ANKH: variants seen among roughly 807,000 people sequenced by gnomAD.
ANKH encodes the protein mineralization regulator ANKH.
ANKH carries 15 observed loss-of-function variants against 49.0 expected under a neutral mutation model. That is an observed-to-expected ratio of 0.31 (90% CI 0.20 to 0.47). The LOEUF (loss-of-function observed/expected upper bound fraction) is 0.47. Ranked by LOEUF, ANKH falls within the 20% of genes least tolerant of loss-of-function variation. ANKH has a pLI of 1.00. For missense variants in ANKH, 429 were observed against 652.0 expected, an observed-to-expected ratio of 0.66 and a Z score of 3.72; for synonymous variants, 273 against 260.0, an observed-to-expected ratio of 1.05 and a Z score of -0.48.
At chr5:14,726,969 C>T (rs1737842122) in intron 8 of ANKH, among the ~76,000 whole-genome samples, 1 of 152,196 alleles carries the variant, frequency 6.6e-6, no homozygotes, top group African/African-American at 2.4e-5. Flanking sequence ...GGGATGCTTC[C>T]ACATCCGCGT....
intron 1 of ANKH, among the ~76,000 whole-genome samples, chr5:14,810,486 TA>T (rs753748765): frequency 6.8e-4 from 103 of 152,332 alleles, no homozygotes; most frequent in Admixed American, 1.8e-3. Flanking sequence ...TAAAGTAGAA[TA>T]ACAGTGAGCA....
At chr5:14,788,848 T>C (rs1401948790) in intron 1 of ANKH, among the ~76,000 whole-genome samples, 1 of 152,120 alleles carries the variant, frequency 6.6e-6, no homozygotes, top group Admixed American at 6.5e-5. Flanking sequence ...TGTGGAATGC[T>C]CCCTGAGCAG....
chr5:14,778,905 C>T (rs1329598856), intron 1 of ANKH, among the ~76,000 whole-genome samples: 1 of 152,150 alleles, frequency 6.6e-6, no homozygotes, highest in Non-Finnish European at 1.5e-5. Flanking sequence ...TCTCCAACGC[C>T]CCCTGCATGC....
chr5:14,790,981 C>T (rs1230349332), intron 1 of ANKH, among the ~76,000 whole-genome samples: 1 of 152,154 alleles, frequency 6.6e-6, no homozygotes, highest in East Asian at 1.9e-4. Context: ...CATGAGTTCT[C>T]TCACTTCATT....
At chr5:14,739,734 A>G (rs906832013) in intron 8 of ANKH, among the ~76,000 whole-genome samples, 3 of 152,246 alleles carry the variant, frequency 2.0e-5, no homozygotes, top group Non-Finnish European at 2.9e-5. Flanking sequence ...CGGTTCTATT[A>G]CTGGATACTT....
chr5:14,814,974 T>C (rs957768110), intron 1 of ANKH, among the ~76,000 whole-genome samples: 1 of 152,212 alleles, frequency 6.6e-6, no homozygotes, highest in South Asian at 2.1e-4. Context: ...AGTTGGAATG[T>C]TTAACAGAGC....
At chr5:14,867,559 C>CTT (rs564551663) in intron 1 of ANKH, among the ~76,000 whole-genome samples, 4 of 147,810 alleles carry the variant, frequency 2.7e-5, no homozygotes, top group Non-Finnish European at 3.0e-5. Flanking sequence ...TTCCCATTTT[C>CTT]TTTTTTTTTT....
At chr5:14,786,454 T>A (rs1328840018) in intron 1 of ANKH, among the ~76,000 whole-genome samples, 1 of 152,146 alleles carries the variant, frequency 6.6e-6, no homozygotes, top group African/African-American at 2.4e-5. Context: ...GAGTTTTAAC[T>A]CCACATAGGA....
intron 1 of ANKH, among the ~76,000 whole-genome samples, chr5:14,842,386 G>A (rs1741838276): frequency 6.6e-6 from 1 of 152,158 alleles, no homozygotes; most frequent in South Asian, 2.1e-4. Flanking sequence ...TCTGACCAAG[G>A]AATACCCCAA....
Position 14,709,684 on chromosome 5 carries a change from TTC to T in ANKH, c.*1511_*1512del, listed in dbSNP as rs1201484550. On this transcript the variant is annotated 3_prime_UTR_variant, in exon 12 of 12. Coordinates refer to ENST00000284268, the MANE Select transcript of ANKH (RefSeq NM_054027.6). ...CCCAGTTACCCATAATGAAAAATAG[TTC>T]TGTCATTTACTGAGCCTTACATTCA... is the stretch of plus-strand genomic sequence containing the variant. The T allele has an allele frequency of 2.0e-5, 3 of 152,624 alleles. No homozygotes were observed. Among genetic ancestry groups the T allele is most frequent in the African/African-American group, 4.8e-5 (2 of 41,456 alleles). 9.5% of individuals were successfully genotyped at this position (152,624 alleles called of 1,614,324 possible). A position where few individuals can be genotyped will look rare whatever the true frequency, so the allele number is the denominator to read the frequency against.
chr5:14,826,866 C>G (rs978289825), intron 1 of ANKH, among the ~76,000 whole-genome samples: 1 of 152,220 alleles, frequency 6.6e-6, no homozygotes, highest in Non-Finnish European at 1.5e-5. Flanking sequence ...CCTGGGCCCC[C>G]AGCTAACCTG....
intron 9 of ANKH, among the ~76,000 whole-genome samples, chr5:14,715,127 CCTTT>C (rs562260920): frequency 1.5e-3 from 232 of 152,320 alleles, no homozygotes; most frequent in Middle Eastern, 6.8e-3. Flanking sequence ...CTCCATGGCT[CCTTT>C]CTTTTTCTTT....
chr5:14,757,623 A>G (rs1201188295), intron 3 of ANKH, among the ~76,000 whole-genome samples: 1 of 152,028 alleles, frequency 6.6e-6, no homozygotes, highest in Non-Finnish European at 1.5e-5. Context: ...TTCTTACTCT[A>G]AAACTCTGGG....
intron 1 of ANKH, chr5:14,797,620 T>C (rs1465286890): frequency 6.9e-6 from 11 of 1,605,528 alleles, no homozygotes; most frequent in East Asian, 2.2e-5. Context: ...TTGGAAGTAT[T>C]GTTTGAACGA....
intron 1 of ANKH, among the ~76,000 whole-genome samples, chr5:14,799,695 T>C (rs562615661): frequency 1.3e-5 from 2 of 152,330 alleles, no homozygotes; most frequent in East Asian, 3.9e-4. Context: ...TGCTGAGACC[T>C]ACTGCTCAGA....
intron 4 of ANKH, among the ~76,000 whole-genome samples, chr5:14,755,457 C>T (rs189321823): frequency 1.3e-5 from 2 of 152,274 alleles, no homozygotes; most frequent in East Asian, 3.9e-4. Context: ...TCCTAAGAGC[C>T]TTCCCTCTAG....
intron 1 of ANKH, among the ~76,000 whole-genome samples, chr5:14,771,944 AAAAC>A (rs1561048181): frequency 1.4e-5 from 2 of 143,734 alleles, no homozygotes; most frequent in South Asian, 2.3e-4. Context: ...AAAAAAAAAA[AAAAC>A]CAAAACAAAA....
At chr5:14,754,308 A>C (rs933701088) in intron 4 of ANKH, among the ~76,000 whole-genome samples, 1 of 148,926 alleles carries the variant, frequency 6.7e-6, no homozygotes, top group Non-Finnish European at 1.5e-5. Context: ...GATGGGTACT[A>C]TGTTTATTTT....
chr5:14,778,375 C>G (rs1262274698), intron 1 of ANKH, among the ~76,000 whole-genome samples: 1 of 152,168 alleles, frequency 6.6e-6, no homozygotes, highest in East Asian at 1.9e-4. Context: ...GGCTCAGAGT[C>G]TCCTCTGCAT....
Sources: gnomAD v4.1 joint callset for allele counts (sites outside exome capture counted in the v4.1 genomes callset) on GRCh38, gnomAD v4.1.1 for gene constraint, MANE v1.5 for transcripts, NCBI Gene and HGNC (gene_info 2026-07-23, HGNC 2026-07-21) for gene names.